Variants in RANBP2 observed in about 807,000 individuals in gnomAD.
RANBP2 encodes E3 SUMO-protein ligase RanBP2.
A neutral mutation model predicts 303.6 loss-of-function variants in RANBP2; 57 were observed. The ratio of observed to expected loss-of-function variants is 0.19; its 90% CI spans 0.15 to 0.23. The LOEUF (loss-of-function observed/expected upper bound fraction) is 0.23. RANBP2 is among the 10% of genes least tolerant of loss of function. The probability of loss-of-function intolerance (pLI) is 1.00; values close to 1 mark genes in which losing one functional copy is unlikely to be tolerated. For missense variants in RANBP2, 3,138 were observed against 3,780.8 expected (o/e 0.83, Z 4.46); for synonymous variants, 1,167 against 1,301.5 (o/e 0.90, Z 2.23).
the RANBP2 span, chr2:108,912,608 TCTC>T: frequency 1.4e-6 from 2 of 1,401,762 alleles, no homozygotes; most frequent in African/African-American, 2.8e-5. Context: ...GATCATTTCC[TCTC>T]CTCTTCTGAG....
In RANBP2 at chr2:108,765,355, A is replaced by G; in HGVS notation, c.4816A>G (p.Lys1606Glu). ...CGGATTTGAGGGAATGTTCACTAAG[A>G]AGGAGGGACAGTGGGATTGCAGTGT... Reference protein sequence around the residue: ...KSGFEGMFTKKEGQWDCSVCL... With the variant: ...KSGFEGMFTKEEGQWDCSVCL... Residue 1606 changes from lysine (K) to glutamate (E), a missense_variant, in exon 20 of 29, where the codon AAG becomes GAG. Physicochemically the swap from Lys to Glu is moderately conservative, Grantham distance 56 (BLOSUM62 1). This residue lies in a region of RANBP2 where 28 missense variants were observed against 43.2 expected (regional missense o/e 0.65). Coordinates refer to ENST00000283195, the MANE Select transcript of RANBP2 (RefSeq NM_006267.5). The G allele has an allele frequency of 6.2e-7, 1 of 1,601,130 alleles. No individual in the cohort carries two copies.
the RANBP2 span, among the ~76,000 whole-genome samples, chr2:108,839,875 A>G: frequency 6.7e-6 from 1 of 150,192 alleles, no homozygotes; most frequent in Non-Finnish European, 1.5e-5. Context: ...TTCCTACCTT[A>G]TTGCATTAGC....
the RANBP2 span, among the ~76,000 whole-genome samples, chr2:109,721,381 A>G: frequency 1.3e-5 from 2 of 152,188 alleles, no homozygotes; most frequent in Non-Finnish European, 2.9e-5. Flanking sequence ...AAAGTGGCAG[A>G]CTCATAAAAG....
At chr2:109,484,148 C>G in the RANBP2 span, among the ~76,000 whole-genome samples, 1 of 151,016 alleles carries the variant, frequency 6.6e-6, no homozygotes, top group Non-Finnish European at 1.5e-5. Context: ...GTCACTGCAA[C>G]CTCTGCCTTC....
At chr2:109,066,230 T>C in the RANBP2 span, among the ~76,000 whole-genome samples, 1 of 152,130 alleles carries the variant, frequency 6.6e-6, no homozygotes, top group Non-Finnish European at 1.5e-5. Context: ...TGCCTCAGCC[T>C]ACTGAGTAGC....
At chr2:109,734,900 T>C in the RANBP2 span, among the ~76,000 whole-genome samples, 1 of 152,140 alleles carries the variant, frequency 6.6e-6, no homozygotes, top group South Asian at 2.1e-4. Context: ...ATTGCACATG[T>C]TTATGGGGTA....
At chr2:109,250,953 A>G in the RANBP2 span, among the ~76,000 whole-genome samples, 1,339 of 152,172 alleles carry the variant, frequency 8.8e-3, 7 homozygotes, top group Non-Finnish European at 0.015. Flanking sequence ...TTGTTTAGGC[A>G]TATACATTGC....
the RANBP2 span, among the ~76,000 whole-genome samples, chr2:109,012,185 C>A: frequency 2.0e-5 from 3 of 152,178 alleles, no homozygotes; most frequent in Non-Finnish European, 2.9e-5. Context: ...CACAGCAGAG[C>A]CACATCTTTG....
chr2:108,828,367 G>C, the RANBP2 span, among the ~76,000 whole-genome samples: 1 of 152,116 alleles, frequency 6.6e-6, no homozygotes, highest in Non-Finnish European at 1.5e-5. Context: ...TCCTAAAATT[G>C]ATATGGAATC....
At chr2:109,149,236 T>C in the RANBP2 span, among the ~76,000 whole-genome samples, 1 of 152,092 alleles carries the variant, frequency 6.6e-6, no homozygotes, top group Non-Finnish European at 1.5e-5. Context: ...CGGACTTCTC[T>C]AGTCAGACAC....
chr2:109,406,637 G>C, the RANBP2 span, among the ~76,000 whole-genome samples: 4 of 152,200 alleles, frequency 2.6e-5, no homozygotes, highest in Admixed American at 2.6e-4. Flanking sequence ...TATATCATCC[G>C]CAGCTGTTTT....
the RANBP2 span, among the ~76,000 whole-genome samples, chr2:109,695,206 T>C: frequency 6.6e-6 from 1 of 152,218 alleles, no homozygotes; most frequent in African/African-American, 2.4e-5. Flanking sequence ...GAATTCTTAA[T>C]TGCTTGTTGA....
chr2:109,223,932 G>A, the RANBP2 span, among the ~76,000 whole-genome samples: 3 of 152,368 alleles, frequency 2.0e-5, no homozygotes, highest in South Asian at 6.2e-4. Context: ...AGCCTGGGGG[G>A]TGTGGGTTGC....
chr2:109,511,450 C>T, the RANBP2 span, among the ~76,000 whole-genome samples: 2 of 152,148 alleles, frequency 1.3e-5, no homozygotes, highest in Admixed American at 6.5e-5. Context: ...TCTGGTCAGG[C>T]CTACAGGCTG....
chr2:109,372,864 C>A, the RANBP2 span, among the ~76,000 whole-genome samples: 1 of 152,218 alleles, frequency 6.6e-6, no homozygotes, highest in Non-Finnish European at 1.5e-5. Context: ...CTTTGCCACA[C>A]CTACCACACA....
the RANBP2 span, among the ~76,000 whole-genome samples, chr2:109,134,390 G>A: frequency 6.6e-6 from 1 of 152,098 alleles, no homozygotes; most frequent in Non-Finnish European, 1.5e-5. Flanking sequence ...GACCAAACGA[G>A]TGGTTGATAT....
the RANBP2 span, among the ~76,000 whole-genome samples, chr2:109,029,764 C>T: frequency 6.6e-6 from 1 of 152,222 alleles, no homozygotes; most frequent in Non-Finnish European, 1.5e-5. Context: ...TCCAGCCTTT[C>T]ATCTCTATCC....
At chr2:108,911,093 T>C in the RANBP2 span, 1 of 1,613,922 alleles carries the variant, frequency 6.2e-7, no homozygotes, top group Non-Finnish European at 8.5e-7. Flanking sequence ...AGAGAAGGCA[T>C]GAATGACCCA....
chr2:108,925,669 G>T, the RANBP2 span, among the ~76,000 whole-genome samples: 1 of 151,994 alleles, frequency 6.6e-6, no homozygotes, highest in Non-Finnish European at 1.5e-5. Context: ...CCATGCTGGA[G>T]TACAGAGAAG....
Sources: allele counts gnomAD v4.1 joint callset (sites outside exome capture counted in the v4.1 genomes callset), GRCh38; gene constraint gnomAD v4.1.1; regional missense constraint gnomAD v4.1.1; transcripts MANE v1.5; gene names NCBI Gene and HGNC (gene_info 2026-07-23, HGNC 2026-07-21).